The following PTPRS variants were observed in gnomAD, a reference collection of about 807,000 sequenced individuals.
The protein encoded by PTPRS is receptor-type tyrosine-protein phosphatase S.
In PTPRS, 63 loss-of-function variants were observed where a neutral mutation model predicts 215.3. The observed-to-expected ratio is 0.29, with a 90% confidence interval of 0.24 to 0.36. PTPRS has a LOEUF of 0.36. Among genes scored for constraint, PTPRS ranks in the 10% least tolerant of loss-of-function variants. The pLI, the probability that PTPRS is intolerant of heterozygous loss-of-function variation, is 1.00. For missense variants in PTPRS, 2,258 were observed against 2,825.8 expected (o/e 0.80, Z 4.56); for synonymous variants, 1,404 against 1,191.4 (o/e 1.18, Z -3.68).
chr19:5,322,682 C>T (rs531247860), intron 1 of PTPRS, among the ~76,000 whole-genome samples: 7 of 152,060 alleles, frequency 4.6e-5, no homozygotes, highest in South Asian at 2.1e-4. Context: ...GAGTTCGAGA[C>T]CAGCCTGACC....
chr19:5,210,556 G>C lies in PTPRS; in HGVS notation c.5400C>G (p.Ala1800=). 1 of 1,614,186 alleles carries C rather than the reference G, an allele frequency of 6.2e-7. No individual in the cohort carries two copies. Among genetic ancestry groups the C allele is most frequent in the South Asian group, 1.1e-5 (1 of 91,086 alleles). Residue 1800 remains alanine, a synonymous_variant, in exon 35 of 38, where the codon GCC becomes GCG. Transcript: ENST00000262963. This position sits in a 1 kb window ranked among gnomAD's most constrained non-coding sequence, Gnocchi z 4.5. ...CHQYWPAERS[A]RYQYFVVDPM... Reference sequence around the variant, plus strand: ...GATCTACCACAAAGTACTGGTAGCGGGCAGAGCGCTCGGCCGGCCAGTACT... The same window carrying C: ...GATCTACCACAAAGTACTGGTAGCGCGCAGAGCGCTCGGCCGGCCAGTACT...
intron 9 of PTPRS, among the ~76,000 whole-genome samples, chr19:5,253,316 G>A (rs1385641953): frequency 2.0e-5 from 3 of 152,280 alleles, no homozygotes; most frequent in African/African-American, 7.2e-5. Context: ...AGCCAAAGCT[G>A]GAGATCTGTC....
intron 1 of PTPRS, among the ~76,000 whole-genome samples, chr19:5,323,128 G>A (rs563568032): frequency 1.2e-3 from 178 of 152,198 alleles, no homozygotes; most frequent in African/African-American, 4.0e-3. Context: ...AGGCCGAGGA[G>A]GGCAGATCAT....
intron 1 of PTPRS, among the ~76,000 whole-genome samples, chr19:5,325,721 C>T (rs535326644): frequency 4.4e-4 from 67 of 152,342 alleles, no homozygotes; most frequent in Non-Finnish European, 6.5e-4. Context: ...TCCTGCCTGC[C>T]GAGGACACCG....
chr19:5,229,072 CTGTTGCTCAAGCCACCCTCGGGTCT>C (rs1380482575), intron 16 of PTPRS, among the ~76,000 whole-genome samples: 2 of 152,228 alleles, frequency 1.3e-5, no homozygotes, highest in African/African-American at 4.8e-5. Flanking sequence ...CCCTCAGGTC[CTGTTGCTCAAGCCACCCTCGGGTCT>C]GCCCCCTGGG....
intron 13 of PTPRS, among the ~76,000 whole-genome samples, chr19:5,236,488 G>A (rs941684240): frequency 6.6e-6 from 1 of 152,240 alleles, no homozygotes; most frequent in African/African-American, 2.4e-5. Flanking sequence ...TACGTCCCCT[G>A]GAGGGAGGCC....
chr19:5,292,419 G>A (rs2048897761), intron 1 of PTPRS, among the ~76,000 whole-genome samples: 1 of 152,172 alleles, frequency 6.6e-6, no homozygotes, highest in Admixed American at 6.5e-5. Flanking sequence ...CCTGGGTTCT[G>A]CAGGAAGCCC....
Position 5,239,100 on chromosome 19 carries a change from G to GGA in PTPRS, c.1705-39_1705-38dup, listed in dbSNP as rs149487300. 563 of 1,506,470 alleles carry GGA rather than the reference G, an allele frequency of 3.7e-4. 2 individuals are homozygous for GGA. The highest frequency in any genetic ancestry group is 3.1e-3 in the Middle Eastern group (18 of 5,742). 93.3% of individuals were successfully genotyped at this position (1,506,470 alleles called of 1,614,324 possible). A position where few individuals can be genotyped will look rare whatever the true frequency, so the allele number is the denominator to read the frequency against. On this transcript the variant is annotated intron_variant, in intron 12 of 37. Coordinates refer to ENST00000262963, the MANE Select transcript of PTPRS (RefSeq NM_002850.4). ...GCAGAGAAGGACAGAGAGGGATGGG[G>GGA]GAGAGAGAGAGAGAGACAGAAACAA...
rs1352506486 is a variant in PTPRS at position 5,335,332 on chromosome 19, T to TA, written c.-95+5331dup. 7.9e-5 allele frequency among the ~76,000 whole-genome samples: 12 copies of TA among 152,302 alleles called. No homozygotes were observed. In the East Asian group the frequency reaches 2.1e-3, roughly 27 times the overall value. On this transcript the variant is annotated intron_variant, in intron 1 of 37. Transcript: ENST00000262963. ...ACGCAGACTGCGACTGTACTGATCTTAGAGATGAGAGAACACAGAGAGGTC... is the reference window on the plus strand; with the variant it reads ...ACGCAGACTGCGACTGTACTGATCTTAAGAGATGAGAGAACACAGAGAGGTC...
chr19:5,263,324 T>G (rs2046155593), intron 5 of PTPRS, among the ~76,000 whole-genome samples: 1 of 151,934 alleles, frequency 6.6e-6, no homozygotes, highest in African/African-American at 2.4e-5. Flanking sequence ...GAGGTCTGAG[T>G]CTCTCCAAGG....
intron 10 of PTPRS, 47 bp downstream of exon 10, chr19:5,245,729 G>T: frequency 6.6e-7 from 1 of 1,509,312 alleles, no homozygotes; most frequent in South Asian, 1.3e-5. Context: ...GTCGGGGATC[G>T]ACTCCAGCCT....
At position 5,227,238 on chromosome 19, in the gene PTPRS, G is replaced by A. The variant is rs1347548956; in HGVS notation, c.2377-1394C>T. Among the ~76,000 whole-genome samples the A allele has an allele frequency of 2.6e-5, 4 of 152,060 alleles. No homozygotes were observed. The East Asian group carries it at 5.8e-4, about 22-fold the overall frequency. On this transcript the variant is annotated intron_variant, in intron 16 of 37. Coordinates refer to ENST00000262963, the MANE Select transcript of PTPRS (RefSeq NM_002850.4). Reference sequence around the variant, plus strand: ...TAATGATGTTTATATTTTTTGTAGAGATGGGATCTTGCCATGTTGCCCAGG... The same window carrying A: ...TAATGATGTTTATATTTTTTGTAGAAATGGGATCTTGCCATGTTGCCCAGG...
intron 16 of PTPRS, among the ~76,000 whole-genome samples, chr19:5,228,084 C>G (rs1410772887): frequency 1.3e-5 from 2 of 151,970 alleles, no homozygotes; most frequent in African/African-American, 4.8e-5. Context: ...GCGAGAAGAG[C>G]AGAGTTGAAG....
At position 5,210,384 on chromosome 19, in the gene PTPRS, G is replaced by C; in HGVS notation, c.5487+85C>G. 4.4e-6 allele frequency: 7 copies of C among 1,579,378 alleles called. No individual in the cohort carries two copies. The highest frequency in any genetic ancestry group is 5.2e-6 in the Non-Finnish European group (6 of 1,155,780). ...TCCCAATGCTTATGCCTAACCCTTGGCCTTTGTATCCATCACCAACCAGGG... is the reference window on the plus strand; with the variant it reads ...TCCCAATGCTTATGCCTAACCCTTGCCCTTTGTATCCATCACCAACCAGGG... On this transcript the variant is annotated intron_variant, in intron 35 of 37. Coordinates refer to ENST00000262963, the MANE Select transcript of PTPRS (RefSeq NM_002850.4). This position sits in a 1 kb window ranked among gnomAD's most constrained non-coding sequence, Gnocchi z 4.5.
intron 2 of PTPRS, among the ~76,000 whole-genome samples, chr19:5,277,212 G>A (rs1299258776): frequency 6.6e-6 from 1 of 151,828 alleles, no homozygotes; most frequent in Non-Finnish European, 1.5e-5. Flanking sequence ...GGTACCCACA[G>A]CCACGCCTGG....
chr19:5,275,309 A>C (rs888244646), intron 2 of PTPRS, among the ~76,000 whole-genome samples: 19 of 151,628 alleles, frequency 1.3e-4, no homozygotes, highest in African/African-American at 4.6e-4. Context: ...TGACCTCATG[A>C]TCTGCCTGCC....
At position 5,206,876 on chromosome 19, in the gene PTPRS, G is replaced by A. The variant is rs370639888; in HGVS notation, c.5779-34C>T. The A allele has an allele frequency of 1.2e-5, 20 of 1,600,932 alleles. No homozygotes were observed. The East Asian group carries it at 2.2e-4, about 18-fold the overall frequency. On this transcript the variant is annotated intron_variant, in intron 37 of 37. Transcript: ENST00000262963. ...GCAGAGGTGACCTGTTAGTACCTCC[G>A]CTGCTCTAACGCCTCCCAGGGCTCC...
chr19:5,229,494 G>A lies in PTPRS; in HGVS notation c.2346C>T (p.Ala782=). Residue 782 remains alanine, a synonymous_variant, in exon 15 of 38, where the codon GCC becomes GCT. Transcript: ENST00000262963. Reference sequence around the variant, plus strand: ...CCCGCCCCGGCCCCCCGCCCACCTGGGCATCGGCCAGCATGACGTCCTTGA... The same window carrying A: ...CCCGCCCCGGCCCCCCGCCCACCTGAGCATCGGCCAGCATGACGTCCTTGA... ...PRIKDVMLAD[A]QWETDDTAEY... is the part of the protein sequence containing the mutation. 1.4e-6 allele frequency: 2 copies of A among 1,440,626 alleles called. No homozygotes were observed. Among genetic ancestry groups the A allele is most frequent in the Non-Finnish European group, 1.8e-6 (2 of 1,100,050 alleles). 89.2% of individuals were successfully genotyped at this position (1,440,626 alleles called of 1,614,324 possible).
intron 2 of PTPRS, among the ~76,000 whole-genome samples, chr19:5,279,671 G>A (rs565137499): frequency 1.3e-4 from 19 of 151,776 alleles, no homozygotes; most frequent in African/African-American, 4.6e-4. Context: ...GTGCCCAGCT[G>A]AAGTTATCTA....
Sources: gnomAD v4.1 joint callset for allele counts (sites outside exome capture counted in the v4.1 genomes callset) on GRCh38, gnomAD v4.1.1 for gene constraint, Gnocchi (gnomAD v3.1) non-coding constraint, MANE v1.5 for transcripts, NCBI Gene and HGNC (gene_info 2026-07-23, HGNC 2026-07-21) for gene names.